EFTUD2: variants seen among roughly 807,000 people sequenced by gnomAD.
The protein encoded by EFTUD2 is elongation factor Tu GTP binding domain containing 2, also known as 116 kDa U5 small nuclear ribonucleoprotein component.
In EFTUD2, 9 loss-of-function variants were observed where a neutral mutation model predicts 114.3. That is an observed-to-expected ratio of 0.08 (90% CI 0.05 to 0.14). EFTUD2 has a LOEUF of 0.14. Among genes scored for constraint, EFTUD2 ranks in the 10% least tolerant of loss-of-function variants. The probability of loss-of-function intolerance (pLI) is 1.00; values close to 1 mark genes in which losing one functional copy is unlikely to be tolerated. For missense variants in EFTUD2, 765 were observed against 1,241.2 expected (o/e 0.62, Z 5.76); for synonymous variants, 449 against 462.3 (o/e 0.97, Z 0.37).
At chr17:44,876,600 T>A (rs570979654) in intron 9 of EFTUD2, among the ~76,000 whole-genome samples, 7 of 151,866 alleles carry the variant, frequency 4.6e-5, no homozygotes, top group Non-Finnish European at 7.4e-5. Context: ...TGCCTGTAAT[T>A]CCAGCACTTT....
chr17:44,872,216 C>T (rs2050867833), intron 11 of EFTUD2, among the ~76,000 whole-genome samples: 1 of 152,196 alleles, frequency 6.6e-6, no homozygotes, highest in African/African-American at 2.4e-5. Flanking sequence ...AAAATGACCT[C>T]CTTCTTCTCC....
At chr17:44,868,259 G>A (rs1396282669) in intron 12 of EFTUD2, 28 bp downstream of exon 12, 1 of 1,603,650 alleles carries the variant, frequency 6.2e-7, no homozygotes, top group Non-Finnish European at 8.5e-7. Context: ...TCACCCCTCT[G>A]GAAAGTCACG....
At chr17:44,883,241 T>C in intron 5 of EFTUD2, 83 bp from the exon 6 acceptor site, 2 of 1,287,640 alleles carry the variant, frequency 1.6e-6, no homozygotes, top group Non-Finnish European at 2.2e-6. Context: ...ATACACCACA[T>C]AATTTAGGGA....
chr17:44,859,687 GC>G (rs1234569549), intron 18 of EFTUD2: 6 of 661,454 alleles, frequency 9.1e-6, no homozygotes, highest in African/African-American at 3.9e-5. Context: ...CCCCATCACT[GC>G]CCCCTCCTAC....
intron 19 of EFTUD2, 83 bp downstream of exon 19, chr17:44,858,997 T>C: frequency 1.1e-6 from 1 of 924,784 alleles, no homozygotes; most frequent in Non-Finnish European, 1.8e-6. Flanking sequence ...TCTCTTCCCT[T>C]GGAGCTTCCC....
At chr17:44,864,103 G>T in intron 14 of EFTUD2, 1 of 197,376 alleles carries the variant, frequency 5.1e-6, no homozygotes, top group Non-Finnish European at 1.0e-5. Flanking sequence ...AACAAAATAA[G>T]CACCCCATCT....
chr17:44,897,711 C>T (rs2051416012), intron 1 of EFTUD2, among the ~76,000 whole-genome samples: 1 of 152,054 alleles, frequency 6.6e-6, no homozygotes, highest in Admixed American at 6.5e-5. Flanking sequence ...ATTACAGGCA[C>T]CCGCCATCAC....
intron 13 of EFTUD2, among the ~76,000 whole-genome samples, chr17:44,867,171 T>C (rs1194206419): frequency 6.6e-6 from 1 of 152,196 alleles, no homozygotes; most frequent in African/African-American, 2.4e-5. Flanking sequence ...CAATTATATC[T>C]GTAAGTTAAA....
intron 10 of EFTUD2, chr17:44,875,615 G>A (rs1348497686): frequency 5.5e-6 from 1 of 183,388 alleles, no homozygotes; most frequent in Admixed American, 6.0e-5. Context: ...GGAGACTGAG[G>A]TGGGAGGATT....
intron 9 of EFTUD2, among the ~76,000 whole-genome samples, chr17:44,878,960 A>G (rs1046640674): frequency 6.6e-6 from 1 of 152,194 alleles, no homozygotes; most frequent in African/African-American, 2.4e-5. Context: ...ATCCACTTAC[A>G]AGAACATACA....
chr17:44,881,926 A>T, intron 6 of EFTUD2: 1 of 541,508 alleles, frequency 1.8e-6, no homozygotes, highest in Non-Finnish European at 3.3e-6. Flanking sequence ...GTGTGGAGGG[A>T]TTTTTTTATT....
At position 44,883,127 on chromosome 17, in the gene EFTUD2, G is replaced by A. The variant is rs2051103108; in HGVS notation, c.458C>T (p.Thr153Ile). 6.2e-7 allele frequency: 1 copy of A among 1,614,132 alleles called. No individual in the cohort carries two copies. Among genetic ancestry groups the A allele is most frequent in the Non-Finnish European group, 8.5e-7 (1 of 1,180,030 alleles). The change falls in exon 6 of 28, where the codon ACT (threonine) becomes ATT (isoleucine). Residue 153 changes from threonine (T) to isoleucine (I), a missense_variant. Coordinates refer to ENST00000426333, the MANE Select transcript of EFTUD2 (RefSeq NM_004247.4). ...ATAGCGCTTTCTGATTTCCGGGTGA[G>A]TCTGTTCAATTAAACAATCCACAAA... Reference protein sequence around the residue: ...TCFVDCLIEQTHPEIRKRYDQ... With the variant: ...TCFVDCLIEQIHPEIRKRYDQ...
At chr17:44,851,940 G>A in intron 26 of EFTUD2, 123 bp from the exon 27 acceptor site, 2 of 896,548 alleles carry the variant, frequency 2.2e-6, no homozygotes, top group Non-Finnish European at 1.6e-6. Context: ...TTTTTGAGAT[G>A]GAGTTTCGCT....
Position 44,862,913 on chromosome 17 carries a change from GAGGGGAC to G in EFTUD2, c.1414-14_1414-8del. On this transcript the variant is annotated splice_polypyrimidine_tract_variant and splice_region_variant and intron_variant, in intron 15 of 27. Coordinates refer to ENST00000426333, the MANE Select transcript of EFTUD2 (RefSeq NM_004247.4). ...TGTGGCACATCAGGGGGCCCTGGAA[GAGGGGAC>G]AGGGTGCAGCTTCAACCACATCTAT... 1.9e-6 allele frequency: 3 copies of G among 1,606,678 alleles called. No homozygotes were observed. Among genetic ancestry groups the G allele is most frequent in the Non-Finnish European group, 2.6e-6 (3 of 1,174,034 alleles).
intron 10 of EFTUD2, among the ~76,000 whole-genome samples, chr17:44,874,033 CTCTT>C (rs1288593698): frequency 1.4e-5 from 2 of 138,298 alleles, no homozygotes; most frequent in African/African-American, 2.7e-5. Flanking sequence ...CGTGCCCGGC[CTCTT>C]TTTTTTTTTT....
Position 44,894,524 on chromosome 17 carries a change from T to C in EFTUD2, c.-3A>G. On this transcript the variant is annotated splice_region_variant and 5_prime_UTR_variant, in exon 2 of 28. Transcript: ENST00000426333. ...TCATCATATAAGTCGGTATCCATGA[T>C]GCTAAAATTCAAGGAGAGAAGAGTT... is the stretch of plus-strand genomic sequence containing the variant. The C allele has an allele frequency of 1.9e-6, 3 of 1,609,570 alleles. No homozygotes were observed. The highest frequency in any genetic ancestry group is 1.7e-4 in the Middle Eastern group (1 of 6,056).
At position 44,850,718 on chromosome 17, in the gene EFTUD2, G is replaced by A. The variant is rs1260099358; in HGVS notation, c.*556C>T. The A allele has an allele frequency of 7.3e-6, 2 of 273,316 alleles. No individual in the cohort carries two copies. The highest frequency in any genetic ancestry group is 2.1e-5 in the African/African-American group (1 of 46,598). 16.9% of individuals were successfully genotyped at this position (273,316 alleles called of 1,614,324 possible). A position where few individuals can be genotyped will look rare whatever the true frequency, so the allele number is the denominator to read the frequency against. On this transcript the variant is annotated 3_prime_UTR_variant, in exon 28 of 28. Transcript: ENST00000426333. ...AGAAGCAGCATGGAGTGGGAGCAAG[G>A]GGGCAATAATGGGGCCTTGGCGCTC...
Position 44,870,613 on chromosome 17 carries a change from C to T in EFTUD2, c.994+1833G>A, listed in dbSNP as rs541868108. The stretch of plus-strand genomic sequence containing the variant: ...CTTAGCCTGCTCAATGTGAAGATGA[C>T]GAAGATGAAGACCTTTATGATGATC... On this transcript the variant is annotated intron_variant, in intron 11 of 27. Transcript: ENST00000426333. Among the ~76,000 whole-genome samples the T allele has an allele frequency of 1.3e-3, 201 of 152,192 alleles. 1 individual carries two copies. The highest frequency in any genetic ancestry group is 4.7e-3 in the African/African-American group (194 of 41,532).
Position 44,850,134 on chromosome 17 carries a change from G to C in EFTUD2, c.*1140C>G, listed in dbSNP as rs1036972002. ...TACACAATACATGTGAAAGTGTTTC[G>C]TGAACTGTCAGATAAGTGGTTTCCC... On this transcript the variant is annotated 3_prime_UTR_variant, in exon 28 of 28. Transcript: ENST00000426333. 3 of 539,490 alleles carry C rather than the reference G, an allele frequency of 5.6e-6. No homozygotes were observed. The highest frequency in any genetic ancestry group is 1.9e-5 in the African/African-American group (1 of 53,106). 33.4% of individuals were successfully genotyped at this position (539,490 alleles called of 1,614,324 possible).
Sources: allele counts gnomAD v4.1 joint callset (sites outside exome capture counted in the v4.1 genomes callset), GRCh38; gene constraint gnomAD v4.1.1; transcripts MANE v1.5; gene names NCBI Gene and HGNC (gene_info 2026-07-23, HGNC 2026-07-21).